Variants in PLEKHH2 observed in about 807,000 individuals in gnomAD.
PLEKHH2 encodes pleckstrin homology domain-containing family H member 2.
Under a neutral mutation model 187.9 loss-of-function variants are expected in PLEKHH2, and 129 were observed. That is an observed-to-expected ratio of 0.69 (90% CI 0.59 to 0.79). The LOEUF (loss-of-function observed/expected upper bound fraction) is 0.79. PLEKHH2 is among the 30% of genes least tolerant of loss of function. The pLI is 0.00. For missense variants in PLEKHH2, 2,076 were observed against 1,751.2 expected (o/e 1.19, Z -3.31); for synonymous variants, 686 against 605.6 (o/e 1.13, Z -1.95).
chr2:43,725,071 T>C (rs942263886), intron 16 of PLEKHH2, among the ~76,000 whole-genome samples: 1 of 152,202 alleles, frequency 6.6e-6, no homozygotes, highest in Admixed American at 6.5e-5. Flanking sequence ...TCAGGGTTTT[T>C]ATAAATGGGC....
At chr2:43,639,686 T>A (rs1251952276) in intron 1 of PLEKHH2, among the ~76,000 whole-genome samples, 3 of 131,166 alleles carry the variant, frequency 2.3e-5, no homozygotes, top group African/African-American at 9.7e-5. Flanking sequence ...AGACAGAGTC[T>A]CACTCTGTCA....
chr2:43,719,413 A>G (rs902381315), intron 15 of PLEKHH2, among the ~76,000 whole-genome samples: 3 of 152,196 alleles, frequency 2.0e-5, no homozygotes, highest in Non-Finnish European at 1.5e-5. Context: ...TTGGGAAATT[A>G]CTAGAATTCT....
At chr2:43,652,276 C>A (rs963049290) in intron 2 of PLEKHH2, among the ~76,000 whole-genome samples, 1 of 152,192 alleles carries the variant, frequency 6.6e-6, no homozygotes, top group African/African-American at 2.4e-5. Flanking sequence ...ACAGATTTTA[C>A]ATTAATACCT....
At chr2:43,722,532 C>T (rs1670530541) in intron 16 of PLEKHH2, among the ~76,000 whole-genome samples, 1 of 152,120 alleles carries the variant, frequency 6.6e-6, no homozygotes, top group Admixed American at 6.6e-5. Context: ...CTACCCTCTC[C>T]TTCTAAACTT....
chr2:43,706,099 A>C (rs992098830), intron 9 of PLEKHH2, among the ~76,000 whole-genome samples: 2 of 152,230 alleles, frequency 1.3e-5, no homozygotes, highest in African/African-American at 4.8e-5. Context: ...CTTGCAGTCT[A>C]GTTGGGGAAC....
intron 7 of PLEKHH2, among the ~76,000 whole-genome samples, chr2:43,698,752 CAA>C (rs1413080549): frequency 6.6e-6 from 1 of 152,114 alleles, no homozygotes; most frequent in Admixed American, 6.6e-5. Context: ...TTCATGTTTT[CAA>C]AGTTTCTTTT....
In PLEKHH2 at chr2:43,640,082, C is replaced by T. The variant is rs201739485; in HGVS notation, c.-4+2703C>T. ...TTTGGTGTGGATGTGTATTTCATCC[C>T]TTGGCATATGACCCCATCCCTTGGC... On this transcript the variant is annotated intron_variant, in intron 1 of 29. Coordinates refer to ENST00000282406, the MANE Select transcript of PLEKHH2 (RefSeq NM_172069.4). 2.6e-5 allele frequency among the ~76,000 whole-genome samples: 4 copies of T among 152,080 alleles called. No individual in the cohort carries two copies. The East Asian group carries it at 7.7e-4, about 29-fold the overall frequency.
chr2:43,696,761 C>G (rs375178309), intron 6 of PLEKHH2, among the ~76,000 whole-genome samples: 5 of 152,088 alleles, frequency 3.3e-5, no homozygotes, highest in South Asian at 4.2e-4. Context: ...TTTCGGCAAC[C>G]AGGACCTCAG....
intron 29 of PLEKHH2, 23 bp from the exon 30 acceptor site, chr2:43,765,390 C>A (rs12478683): frequency 6.2e-7 from 1 of 1,610,386 alleles, no homozygotes; most frequent in Non-Finnish European, 8.5e-7. Flanking sequence ...AGGAGCAAAA[C>A]AATTCTGTTT....
At chr2:43,748,313 G>A (rs1007791539) in intron 24 of PLEKHH2, among the ~76,000 whole-genome samples, 1 of 152,196 alleles carries the variant, frequency 6.6e-6, no homozygotes, top group African/African-American at 2.4e-5. Context: ...ATAGATATTG[G>A]AAATCTAATA....
chr2:43,710,696 T>G, intron 14 of PLEKHH2, 121 bp downstream of exon 14: 1 of 1,466,018 alleles, frequency 6.8e-7, no homozygotes, highest in Non-Finnish European at 9.0e-7. Context: ...TTTGGGGGGT[T>G]AGTTTGATGC....
At chr2:43,709,948 C>A (rs1415140214) in intron 11 of PLEKHH2, 42 bp from the exon 12 acceptor site, 1 of 1,555,932 alleles carries the variant, frequency 6.4e-7, no homozygotes, top group African/African-American at 1.4e-5. Flanking sequence ...TGGCCCTCCC[C>A]AGTATTAAAT....
rs573564523 is a variant in PLEKHH2, at chr2:43,643,951, T to C, written c.-3-720T>C. Among the ~76,000 whole-genome samples, 7 of 152,244 alleles carry C rather than the reference T, an allele frequency of 4.6e-5. 1 individual carries two copies. In the South Asian group the frequency reaches 8.3e-4, roughly 18 times the overall value. On this transcript the variant is annotated intron_variant, in intron 1 of 29. Transcript: ENST00000282406. The stretch of plus-strand genomic sequence containing the variant: ...ATATCCTCCCAAAGGAAAGTTAATA[T>C]GGAAAACACTAATTCCAGATTTACT...
chr2:43,751,928 T>TG (rs1455177640), intron 24 of PLEKHH2, among the ~76,000 whole-genome samples: 2 of 145,112 alleles, frequency 1.4e-5, no homozygotes. Context: ...CTCTCTCTCT[T>TG]TTTTTTTTTT....
chr2:43,757,176 C>T lies in PLEKHH2; in HGVS notation c.3853C>T (p.Gln1285Ter), dbSNP rs751871951. Residue 1285 changes from glutamine (Q) to a stop codon, truncating the protein, a stop_gained, in exon 26 of 30, where the codon CAG becomes TAG. Coordinates refer to ENST00000282406, the MANE Select transcript of PLEKHH2 (RefSeq NM_172069.4). LOFTEE classifies it high-confidence loss of function. ...AACTCCAGCAGGGCATGTTACCAAT[C>T]AGTGCAAAGTGAATCAAACTCTAAA... ...FSTPAGHVTNQCKVNQTLKQV... is the reference protein window; with the variant it reads ...FSTPAGHVTN 6 of 1,602,276 alleles carry T rather than the reference C, an allele frequency of 3.7e-6. No homozygotes were observed. The African/African-American group carries it at 8.1e-5, about 22-fold the overall frequency.
In PLEKHH2 at chr2:43,712,402, T is replaced by C; in HGVS notation, c.2460+19T>C. The C allele has an allele frequency of 1.2e-6, 2 of 1,610,756 alleles. No individual in the cohort carries two copies. Among genetic ancestry groups the C allele is most frequent in the Non-Finnish European group, 1.7e-6 (2 of 1,178,434 alleles). Reference sequence around the variant, plus strand: ...CACTAAGGTAGGAACCTCCTGTGCATAGCAATGTCCCAGGCAGCTATGGGC... The same window carrying C: ...CACTAAGGTAGGAACCTCCTGTGCACAGCAATGTCCCAGGCAGCTATGGGC... On this transcript the variant is annotated intron_variant, in intron 15 of 29. Transcript: ENST00000282406.
intron 24 of PLEKHH2, among the ~76,000 whole-genome samples, chr2:43,747,632 C>T (rs1671835388): frequency 6.6e-6 from 1 of 152,144 alleles, no homozygotes; most frequent in South Asian, 2.1e-4. Context: ...CATGTATTAG[C>T]AAAAGGTAGT....
intron 2 of PLEKHH2, among the ~76,000 whole-genome samples, chr2:43,668,371 C>G (rs1667326349): frequency 6.6e-6 from 1 of 152,052 alleles, no homozygotes; most frequent in South Asian, 2.1e-4. Context: ...AATATATATA[C>G]ATAGATGTAA....
chr2:43,740,751 T>G, intron 20 of PLEKHH2, 195 bp from the exon 21 acceptor site: 2 of 1,013,510 alleles, frequency 2.0e-6, no homozygotes, highest in Non-Finnish European at 2.5e-6. Flanking sequence ...CACAACTAGA[T>G]GGATCATAGA....
Sources: allele counts gnomAD v4.1 joint callset (sites outside exome capture counted in the v4.1 genomes callset), GRCh38; gene constraint gnomAD v4.1.1; transcripts MANE v1.5; gene names NCBI Gene and HGNC (gene_info 2026-07-23, HGNC 2026-07-21).